HEATR4: variants seen among roughly 807,000 people sequenced by gnomAD.
HEATR4 encodes HEAT repeat containing 4.
Under a neutral mutation model 108.8 loss-of-function variants are expected in HEATR4, and 95 were observed. The observed-to-expected ratio is 0.87, with a 90% confidence interval of 0.74 to 1.04. The LOEUF is 1.04. HEATR4 is among the 50% of genes least tolerant of loss of function. The pLI is 0.00. For synonymous variants in HEATR4, 443 were observed against 459.4 expected (o/e 0.96, Z 0.46); for missense variants, 1,152 against 1,253.8 (o/e 0.92, Z 1.23).
intron 2 of HEATR4, among the ~76,000 whole-genome samples, chr14:73,529,742 A>T (rs1888591971): frequency 6.6e-6 from 1 of 152,218 alleles, no homozygotes; most frequent in Non-Finnish European, 1.5e-5. Context: ...AACGTGTGCT[A>T]AAAGGAGTAA....
rs1885289477 is a variant in HEATR4, at chr14:73,482,248, A to G, written c.2845-3406T>C. Among the ~76,000 whole-genome samples the G allele has an allele frequency of 2.0e-5, 3 of 152,114 alleles. No individual in the cohort carries two copies. The South Asian group carries it at 6.2e-4, about 31-fold the overall frequency. On this transcript the variant is annotated intron_variant, in intron 17 of 17. Coordinates refer to ENST00000553558, the MANE Select transcript of HEATR4 (RefSeq NM_001220484.1). ...TAAAAATACAAAAATTAGGCCGGGC[A>G]CAGTGGCTCACACCTGTAACCCCAG...
At chr14:73,505,646 G>T (rs1032972767) in intron 10 of HEATR4, among the ~76,000 whole-genome samples, 1 of 151,990 alleles carries the variant, frequency 6.6e-6, no homozygotes, top group Non-Finnish European at 1.5e-5. Context: ...ACCTGCCTTG[G>T]CCTCCCAAAG....
At position 73,522,999 on chromosome 14, in the gene HEATR4, TGAA is replaced by T; in HGVS notation, c.151_153del (p.Phe51del). 6.2e-7 allele frequency: 1 copy of T among 1,613,970 alleles called. No homozygotes were observed. The highest frequency in any genetic ancestry group is 2.2e-5 in the East Asian group (1 of 44,862). On this transcript the variant is annotated inframe_deletion, in exon 3 of 18. Transcript: ENST00000553558. ...TTGCGGTGTAGACGGTACTGTGAGC[TGAA>T]GAAGACCATAGGCACACTGGAGACA...
the HEATR4 span, among the ~76,000 whole-genome samples, chr14:73,608,070 G>T: frequency 6.6e-6 from 1 of 151,410 alleles, no homozygotes; most frequent in African/African-American, 2.4e-5. Flanking sequence ...GATTACAGGC[G>T]CCTGCCACTG....
the HEATR4 span, among the ~76,000 whole-genome samples, chr14:73,589,598 T>C: frequency 2.0e-5 from 3 of 152,114 alleles, no homozygotes; most frequent in Admixed American, 6.6e-5. Flanking sequence ...AGATTACAAG[T>C]GTGTGCCCCT....
In HEATR4 at chr14:73,535,462, CTTCTTTCTT is replaced by C. The variant is rs1888825003; in HGVS notation, c.-151-5227_-151-5219del. Among the ~76,000 whole-genome samples, 18 of 59,324 alleles carry C rather than the reference CTTCTTTCTT, an allele frequency of 3.0e-4. 1 individual carries two copies. Among genetic ancestry groups the C allele is most frequent in the African/African-American group, 7.3e-4 (17 of 23,328 alleles). The allele number at this position is 59,324 out of a possible 152,430, so 38.9% of individuals were successfully genotyped here. The stretch of plus-strand genomic sequence containing the variant: ...CCCTCTCCCTTTTTCTTTTCTTTTT[CTTCTTTCTT>C]TTTTTTTTTTTTTTTTTTTTTTTTT... On this transcript the variant is annotated intron_variant, in intron 1 of 17. Coordinates refer to ENST00000553558, the MANE Select transcript of HEATR4 (RefSeq NM_001220484.1).
chr14:73,602,594 A>G, the HEATR4 span, among the ~76,000 whole-genome samples: 2 of 152,046 alleles, frequency 1.3e-5, no homozygotes, highest in African/African-American at 4.8e-5. Flanking sequence ...TCTTCCAAAC[A>G]TATTCTTTTG....
the HEATR4 span, chr14:73,595,818 A>C: frequency 1.2e-6 from 1 of 811,120 alleles, no homozygotes. Context: ...AGTTTTACTA[A>C]TGTAACTTGC....
chr14:73,526,574 T>G (rs932865745), intron 2 of HEATR4, among the ~76,000 whole-genome samples: 3 of 151,866 alleles, frequency 2.0e-5, no homozygotes, highest in African/African-American at 4.8e-5. Context: ...CAAGACAAAG[T>G]CCAGAAGACT....
At chr14:73,506,811 T>TTTTTTTTG (rs977875752) in intron 9 of HEATR4, among the ~76,000 whole-genome samples, 7 of 130,564 alleles carry the variant, frequency 5.4e-5, no homozygotes, top group Non-Finnish European at 7.7e-5. Context: ...ACTGTTTTTT[T>TTTTTTTTG]TTTTTTTTTT....
At position 73,508,188 on chromosome 14, in the gene HEATR4, ATTC is replaced by A. The variant is rs778798531; in HGVS notation, c.1824_1826del (p.Lys608del). The A allele has an allele frequency of 6.2e-7, 1 of 1,614,090 alleles. No individual in the cohort carries two copies. Among genetic ancestry groups the A allele is most frequent in the Non-Finnish European group, 8.5e-7 (1 of 1,179,986 alleles). Reference sequence around the variant, plus strand: ...TATAAGACTGTTCCTCAGTGTCCTCATTCTTCTTTGTAAACAGCTGGTGGAGGA... The same window carrying A: ...TATAAGACTGTTCCTCAGTGTCCTCATTCTTTGTAAACAGCTGGTGGAGGA... On this transcript the variant is annotated inframe_deletion, in exon 9 of 18. Transcript: ENST00000553558.
At position 73,550,368 on chromosome 14, in the gene HEATR4, A is replaced by G. The variant is rs1197154934; in HGVS notation, c.-152+8383T>C. 6.4e-5 allele frequency among the ~76,000 whole-genome samples: 7 copies of G among 108,656 alleles called. 2 individuals carry two copies. The highest frequency in any genetic ancestry group is 1.4e-4 in the Non-Finnish European group (7 of 50,664). The allele number at this position is 108,656 out of a possible 152,430, so 71.3% of individuals were successfully genotyped here. On this transcript the variant is annotated intron_variant, in intron 1 of 17. Coordinates refer to ENST00000553558, the MANE Select transcript of HEATR4 (RefSeq NM_001220484.1). ...CTTCATTAGGGAATTTCCCCCATAG[A>G]CAGCATGAGCATTTTGATTTTACCT...
At position 73,493,085 on chromosome 14, in the gene HEATR4, T is replaced by C. The variant is rs1335035368; in HGVS notation, c.2825A>G (p.Asp942Gly). 1.2e-6 allele frequency: 2 copies of C among 1,613,076 alleles called. No individual in the cohort carries two copies. The highest frequency in any genetic ancestry group is 3.3e-5 in the Admixed American group (2 of 59,846). ...ATTTACCTTTATCACTGCTTCAGTGTCACAAACCTCGGAAGGTCTTCTAGG... is the reference window on the plus strand; with the variant it reads ...ATTTACCTTTATCACTGCTTCAGTGCCACAAACCTCGGAAGGTCTTCTAGG... Reference protein sequence around the residue: ...VLPRRPSEVCDTEAVIKPVKP... With the variant: ...VLPRRPSEVCGTEAVIKPVKP... Residue 942 changes from aspartate to glycine, a missense_variant, in exon 17 of 18, where the codon GAC (aspartate) becomes GGC (glycine). By Grantham distance (94) the Asp-to-Gly change is moderately conservative. Transcript: ENST00000553558.
At chr14:73,519,481 C>T (rs1262468945) in intron 4 of HEATR4, among the ~76,000 whole-genome samples, 6 of 152,120 alleles carry the variant, frequency 3.9e-5, no homozygotes, top group Non-Finnish European at 8.8e-5. Flanking sequence ...TGTGGTGGCT[C>T]ACACCTGTAA....
the HEATR4 span, among the ~76,000 whole-genome samples, chr14:73,615,312 G>A: frequency 0.15 from 21,239 of 144,528 alleles, 2,102 homozygotes; most frequent in African/African-American, 0.28. Context: ...GCTTGAACCC[G>A]GCAGGTGGAG....
At position 73,497,588 on chromosome 14, in the gene HEATR4, T is replaced by G. The variant is rs1039801454; in HGVS notation, c.2546+567A>C. ...CTAAAACTTGTTGTCCCAATAGGCA[T>G]TTGATAAATGTTAGTTGAATATATG... On this transcript the variant is annotated intron_variant, in intron 14 of 17. Transcript: ENST00000553558. Among the ~76,000 whole-genome samples the G allele has an allele frequency of 2.6e-4, 39 of 152,230 alleles. 1 individual carries two copies. The highest frequency in any genetic ancestry group is 5.6e-4 in the Non-Finnish European group (38 of 68,034).
the HEATR4 span, among the ~76,000 whole-genome samples, chr14:73,584,303 A>G: frequency 6.6e-6 from 1 of 151,166 alleles, no homozygotes; most frequent in Non-Finnish European, 1.5e-5. Context: ...CTTTTTAAAT[A>G]AACTTCCACT....
rs1886980027 is a variant in HEATR4, at chr14:73,508,278, G to T, written c.1737C>A (p.Ser579Arg). 6.2e-7 allele frequency: 1 copy of T among 1,613,850 alleles called. No individual in the cohort carries two copies. Residue 579 changes from serine to arginine, a missense_variant, in exon 9 of 18, where the codon AGC becomes AGA. By Grantham distance (110) the Ser-to-Arg change is moderately radical. Coordinates refer to ENST00000553558, the MANE Select transcript of HEATR4 (RefSeq NM_001220484.1). ...TALLKGNSVD[S>R]WAAAQCLALE... ...GAGCCAAGCACTGAGCTGCAGCCCA[G>T]CTATCCACACTGTTACCTGCCACAG...
chr14:73,620,779 G>A, the HEATR4 span, among the ~76,000 whole-genome samples: 7 of 151,536 alleles, frequency 4.6e-5, no homozygotes, highest in Non-Finnish European at 1.0e-4. Flanking sequence ...TGTTGGCCAG[G>A]CTAGTCTCAA....
Sources: gnomAD v4.1 joint callset for allele counts (sites outside exome capture counted in the v4.1 genomes callset) on GRCh38, gnomAD v4.1.1 for gene constraint, MANE v1.5 for transcripts, NCBI Gene and HGNC (gene_info 2026-07-23, HGNC 2026-07-21) for gene names.